The following PLD4 variants were observed in gnomAD, a reference collection of about 807,000 sequenced individuals.
PLD4 encodes the protein 5'-3' exonuclease PLD4.
In PLD4, 54 loss-of-function variants were observed where a neutral mutation model predicts 52.3. The observed-to-expected ratio is 1.03, with a 90% CI of 0.83 to 1.30. The LOEUF (loss-of-function observed/expected upper bound fraction) is 1.30. Among genes scored for constraint, PLD4 ranks in the 50% most tolerant of loss-of-function variants. PLD4 has a pLI of 0.00. For missense variants in PLD4, 731 were observed against 671.1 expected, an observed-to-expected ratio of 1.09 and a Z score of -0.99; for synonymous variants, 264 against 286.5, an observed-to-expected ratio of 0.92 and a Z score of 0.79.
chr14:104,925,774 G>C (rs952046980), intron 1 of PLD4, among the ~76,000 whole-genome samples: 14 of 152,138 alleles, frequency 9.2e-5, no homozygotes, highest in South Asian at 2.1e-4. Context: ...CTGTGGGGTG[G>C]GGGGAGCATC....
At chr14:104,929,057 A>G in intron 4 of PLD4, 125 bp downstream of exon 4, 1 of 1,326,826 alleles carries the variant, frequency 7.5e-7, no homozygotes, top group Non-Finnish European at 1.0e-6. Context: ...TCTAGCATGG[A>G]ACAGGGATTA....
Position 104,928,920 on chromosome 14 carries a change from G to T in PLD4, c.456G>T (p.Ser152=), listed in dbSNP as rs573590569. Residue 152 remains serine, a synonymous_variant, in exon 4 of 11, where the codon TCG becomes TCT. Transcript: ENST00000392593. ...LTGPDIGVND[S]SSQLGEALLQ... ...GGCCTGACATCGGGGTCAACGACTC[G>T]TCTTCCCAGCTGGTGCGCCCCGCCC... is the stretch of plus-strand genomic sequence containing the variant. 6 of 1,599,800 alleles carry T rather than the reference G, an allele frequency of 3.8e-6. No individual in the cohort carries two copies. Among genetic ancestry groups the T allele is most frequent in the Non-Finnish European group, 5.1e-6 (6 of 1,169,660 alleles).
At chr14:104,930,505 G>A (rs753220056) in intron 6 of PLD4, 199 of 592,014 alleles carry the variant, frequency 3.4e-4, no homozygotes, top group Non-Finnish European at 4.9e-4. Context: ...TATTGTTTTT[G>A]TAATAAACGT....
intron 2 of PLD4, 106 bp downstream of exon 2, chr14:104,927,336 C>A: frequency 1.0e-6 from 1 of 1,004,194 alleles, no homozygotes; most frequent in Non-Finnish European, 1.4e-6. Flanking sequence ...GGCCTCCAAG[C>A]AGAGGTGCCC....
chr14:104,930,566 G>A (rs909048733), intron 6 of PLD4, 176 bp from the exon 7 acceptor site: 27 of 644,456 alleles, frequency 4.2e-5, no homozygotes, highest in Non-Finnish European at 5.9e-5. Flanking sequence ...GGCACCCGCT[G>A]GGCACTCCTC....
chr14:104,932,237 G>A lies in PLD4; in HGVS notation c.1225-22G>A, dbSNP rs1471561465. The A allele has an allele frequency of 6.2e-7, 1 of 1,612,384 alleles. No individual in the cohort carries two copies. The highest frequency in any genetic ancestry group is 8.5e-7 in the Non-Finnish European group (1 of 1,179,726). ...CGGCCCTCCTGCCGCCCTTCCTGAC[G>A]CGCTGCCTCTGCTCCCCTAAGAAAG... On this transcript the variant is annotated intron_variant, in intron 9 of 10. Transcript: ENST00000392593. This position sits in a 1 kb window ranked among gnomAD's most constrained non-coding sequence, Gnocchi z 6.5.
chr14:104,930,472 T>G, intron 6 of PLD4: 1 of 578,516 alleles, frequency 1.7e-6, no homozygotes, highest in East Asian at 2.9e-5. Flanking sequence ...ATGATCCCAT[T>G]CTTAATGGCT....
chr14:104,930,047 T>G lies in PLD4; in HGVS notation c.659T>G (p.Val220Gly), dbSNP rs1897589531. 3 of 1,613,694 alleles carry G rather than the reference T, an allele frequency of 1.9e-6. No homozygotes were observed. The highest frequency in any genetic ancestry group is 3.3e-4 in the Middle Eastern group (2 of 6,060). ...RGVLHSKFWV[V>G]DGRHIYMGSA... is the part of the protein sequence containing the mutation. ...GTTTTGCACTCCAAATTCTGGGTTG[T>G]GGATGGACGGCACATATACATGGGC... Residue 220 changes from valine to glycine, a missense_variant, in exon 6 of 11, where the codon GTG (valine) becomes GGG (glycine). Physicochemically the swap from Val to Gly is moderately radical, Grantham distance 109. Transcript: ENST00000392593.
rs1897711015 is a variant in PLD4 at position 104,932,979 on chromosome 14, TC to T, written c.*16del. ...GGCAGGGCTGAGGGGGGCCTCTTTT[TC>T]TCTCGGCGACCCCGCCCCGCACGCG... is the stretch of plus-strand genomic sequence containing the variant. On this transcript the variant is annotated 3_prime_UTR_variant, in exon 11 of 11. Transcript: ENST00000392593. The surrounding 1 kb of genome is among the most constrained non-coding windows in gnomAD (Gnocchi z 6.5). The T allele has an allele frequency of 6.5e-7, 1 of 1,547,718 alleles. No individual in the cohort carries two copies. The highest frequency in any genetic ancestry group is 1.4e-5 in the African/African-American group (1 of 73,214).
In PLD4 at chr14:104,932,731, C is replaced by A; in HGVS notation, c.1322-34C>A. On this transcript the variant is annotated intron_variant, in intron 10 of 10. Coordinates refer to ENST00000392593, the MANE Select transcript of PLD4 (RefSeq NM_138790.5). This position sits in a 1 kb window ranked among gnomAD's most constrained non-coding sequence, Gnocchi z 6.5. Reference sequence around the variant, plus strand: ...GGGCTGCAGAGGGGCCTGTGGGAGCCGGCGCCCCAGTGTCTCCTCCATCCT... The same window carrying A: ...GGGCTGCAGAGGGGCCTGTGGGAGCAGGCGCCCCAGTGTCTCCTCCATCCT... 6.7e-7 allele frequency: 1 copy of A among 1,487,064 alleles called. No individual in the cohort carries two copies. The highest frequency in any genetic ancestry group is 9.0e-7 in the Non-Finnish European group (1 of 1,111,958). 92.1% of individuals were successfully genotyped at this position (1,487,064 alleles called of 1,614,324 possible). A position where few individuals can be genotyped will look rare whatever the true frequency, so the allele number is the denominator to read the frequency against.
In PLD4 at chr14:104,930,733, T is replaced by C. The variant is rs1897613919; in HGVS notation, c.718-9T>C. ...TTTCTCCCACAGCGCCTGACTTTGG[T>C]CCCTGCAGGTGAAGGAGCTTGGCGC... On this transcript the variant is annotated splice_polypyrimidine_tract_variant and intron_variant, in intron 6 of 10. Transcript: ENST00000392593. The C allele has an allele frequency of 6.2e-7, 1 of 1,613,072 alleles. No individual in the cohort carries two copies. Among genetic ancestry groups the C allele is most frequent in the Non-Finnish European group, 8.5e-7 (1 of 1,179,988 alleles).
At position 104,932,491 on chromosome 14, in the gene PLD4, T is replaced by C. The variant is rs1897689860; in HGVS notation, c.1321+136T>C. The stretch of plus-strand genomic sequence containing the variant: ...GAAGGGGGACGGGGTCTCCATGGAG[T>C]TCCGGGGACCAGGCCACCCGCCTGT... On this transcript the variant is annotated intron_variant, in intron 10 of 10. Transcript: ENST00000392593. This position sits in a 1 kb window ranked among gnomAD's most constrained non-coding sequence, Gnocchi z 6.5. 1.9e-6 allele frequency: 2 copies of C among 1,033,770 alleles called. No homozygotes were observed. The highest frequency in any genetic ancestry group is 4.9e-5 in the Admixed American group (2 of 41,228). The allele number at this position is 1,033,770 out of a possible 1,614,324, so 64.0% of individuals were successfully genotyped here.
At chr14:104,926,958 G>T (rs1394485629) in intron 1 of PLD4, 183 bp from the exon 2 acceptor site, 1 of 467,258 alleles carries the variant, frequency 2.1e-6, no homozygotes, top group Non-Finnish European at 3.6e-6. Flanking sequence ...CACCCACACG[G>T]CTTGTCCTCG....
downstream of PLD4, chr14:104,933,345 C>G (rs1019782403): frequency 5.7e-6 from 1 of 176,974 alleles, no homozygotes; most frequent in African/African-American, 2.4e-5. Context: ...GCCGTGGCAG[C>G]GCCTCAGCTA....
At position 104,932,850 on chromosome 14, in the gene PLD4, G is replaced by C; in HGVS notation, c.1407G>C (p.Ala469=). ...VVTQSPGAQP[A]GATVQEQLRQ... Reference sequence around the variant, plus strand: ...CCCAGAGCCCTGGCGCGCAGCCCGCGGGGGCCACGGTGCAGGAGCAGCTGC... The same window carrying C: ...CCCAGAGCCCTGGCGCGCAGCCCGCCGGGGCCACGGTGCAGGAGCAGCTGC... Residue 469 remains alanine (A), a synonymous_variant, in exon 11 of 11, where the codon GCG becomes GCC. Coordinates refer to ENST00000392593, the MANE Select transcript of PLD4 (RefSeq NM_138790.5). This position sits in a 1 kb window ranked among gnomAD's most constrained non-coding sequence, Gnocchi z 6.5. 1 of 1,604,478 alleles carries C rather than the reference G, an allele frequency of 6.2e-7. No homozygotes were observed. The highest frequency in any genetic ancestry group is 8.5e-7 in the Non-Finnish European group (1 of 1,176,234).
Position 104,932,001 on chromosome 14 carries a change from C to A in PLD4, c.1059-11C>A, listed in dbSNP as rs1897662692. 1 of 1,567,998 alleles carries A rather than the reference C, an allele frequency of 6.4e-7. No homozygotes were observed. The highest frequency in any genetic ancestry group is 8.6e-7 in the Non-Finnish European group (1 of 1,158,498). Reference sequence around the variant, plus strand: ...GCTTGTAAGCAGAGCCCCGTCCCTCCCCACCCCAAGGTACTGGCCGGTGCT... The same window carrying A: ...GCTTGTAAGCAGAGCCCCGTCCCTCACCACCCCAAGGTACTGGCCGGTGCT... On this transcript the variant is annotated splice_polypyrimidine_tract_variant and intron_variant, in intron 8 of 10. Transcript: ENST00000392593. This position sits in a 1 kb window ranked among gnomAD's most constrained non-coding sequence, Gnocchi z 6.5.
intron 8 of PLD4, 51 bp from the exon 9 acceptor site, chr14:104,931,960 AC>A: frequency 6.5e-7 from 1 of 1,527,182 alleles, no homozygotes; most frequent in Non-Finnish European, 8.8e-7. Context: ...TCCTGCTGGG[AC>A]CCCTATCGGG....
intron 1 of PLD4, among the ~76,000 whole-genome samples, chr14:104,926,112 C>T (rs1483226743): frequency 5.3e-5 from 8 of 152,286 alleles, no homozygotes; most frequent in Non-Finnish European, 2.9e-5. Context: ...AGCCGACCCA[C>T]CGAGCCCTGG....
Position 104,932,440 on chromosome 14 carries a change from C to A in PLD4, c.1321+85C>A. The A allele has an allele frequency of 6.9e-7, 1 of 1,448,200 alleles. No individual in the cohort carries two copies. The highest frequency in any genetic ancestry group is 1.2e-5 in the South Asian group (1 of 85,406). 89.7% of individuals were successfully genotyped at this position (1,448,200 alleles called of 1,614,324 possible). On this transcript the variant is annotated intron_variant, in intron 10 of 10. Coordinates refer to ENST00000392593, the MANE Select transcript of PLD4 (RefSeq NM_138790.5). The surrounding 1 kb of genome is among the most constrained non-coding windows in gnomAD (Gnocchi z 6.5). ...GCACTGGCTTTGTGACCGGCGTGGA[C>A]ACCTCAGGAGGGAGGGGCTGCTGCT...
Sources: allele counts gnomAD v4.1 joint callset (sites outside exome capture counted in the v4.1 genomes callset), GRCh38; gene constraint gnomAD v4.1.1; non-coding constraint Gnocchi (gnomAD v3.1); transcripts MANE v1.5; gene names NCBI Gene and HGNC (gene_info 2026-07-23, HGNC 2026-07-21).